The following DNAH10 variants were observed in gnomAD, a reference collection of about 807,000 sequenced individuals.
DNAH10 encodes the protein axonemal beta dynein heavy chain 10.
In DNAH10, 348 loss-of-function variants were observed where a neutral mutation model predicts 506.6. The ratio of observed to expected loss-of-function variants is 0.69; its 90% CI spans 0.63 to 0.75. The LOEUF is 0.75. Ranked by LOEUF, DNAH10 falls within the 30% of genes least tolerant of loss-of-function variation. The pLI, the probability that DNAH10 is intolerant of heterozygous loss-of-function variation, is 0.00. For synonymous variants in DNAH10, 2,059 were observed against 2,198.6 expected (o/e 0.94, Z 1.78); for missense variants, 5,179 against 5,787.1 (o/e 0.89, Z 3.41).
chr12:123,787,729 G>T lies in DNAH10; in HGVS notation c.1422-75G>T. On this transcript the variant is annotated intron_variant, in intron 9 of 78. Coordinates refer to ENST00000673944, the MANE Select transcript of DNAH10 (RefSeq NM_001372106.1). This position sits in a 1 kb window ranked among gnomAD's most constrained non-coding sequence, Gnocchi z 4.6. ...CGGGTCAGAGCTTCACGGGACACTG[G>T]CTCCCCAGCCGGGGAGTGCGGCTCG... 3.3e-6 allele frequency: 5 copies of T among 1,536,698 alleles called. No homozygotes were observed. The highest frequency in any genetic ancestry group is 2.7e-6 in the Non-Finnish European group (3 of 1,130,766).
At chr12:123,801,533 C>A in intron 16 of DNAH10, 101 bp downstream of exon 16, 2 of 1,405,698 alleles carry the variant, frequency 1.4e-6, no homozygotes, top group East Asian at 2.4e-5. Context: ...TTTATAGAGA[C>A]AATTAACAAT....
At chr12:123,792,824 T>G (rs1007377899) in intron 11 of DNAH10, among the ~76,000 whole-genome samples, 3 of 152,180 alleles carry the variant, frequency 2.0e-5, no homozygotes, top group Admixed American at 2.0e-4. Flanking sequence ...CTATCTTCTC[T>G]CATCTGTGTT....
rs374076089 is a variant in DNAH10 at position 123,926,591 on chromosome 12, G to A, written c.11922-46G>A. The A allele has an allele frequency of 4.7e-5, 74 of 1,590,592 alleles. No individual in the cohort carries two copies. The African/African-American group carries it at 8.0e-4, about 17-fold the overall frequency. ...ATCAGACAGACCAGCCCCTGGTCTG[G>A]AGCTGTCCTCGCGGGAGAGTTTTCT... On this transcript the variant is annotated intron_variant, in intron 68 of 78. Coordinates refer to ENST00000673944, the MANE Select transcript of DNAH10 (RefSeq NM_001372106.1). This position sits in a 1 kb window ranked among gnomAD's most constrained non-coding sequence, Gnocchi z 4.1.
At chr12:123,777,189 A>G (rs1957473474) in intron 5 of DNAH10, among the ~76,000 whole-genome samples, 1 of 152,196 alleles carries the variant, frequency 6.6e-6, no homozygotes, top group Non-Finnish European at 1.5e-5. Flanking sequence ...AACCAGAGTG[A>G]TGCTTTAAAA....
At chr12:123,824,702 G>A (rs1484218375) in intron 24 of DNAH10, among the ~76,000 whole-genome samples, 22 of 152,094 alleles carry the variant, frequency 1.4e-4, no homozygotes, top group Non-Finnish European at 4.4e-5. Flanking sequence ...GACTGTCCCT[G>A]GCGTTCCGTG....
In DNAH10 at chr12:123,857,230, G is replaced by A. The variant is rs751654257; in HGVS notation, c.6613G>A (p.Ala2205Thr). The change falls in exon 37 of 79, where the codon GCG (alanine) becomes ACG (threonine). Residue 2205 changes from alanine (A) to threonine (T), a missense_variant. Physicochemically the swap from Ala to Thr is moderately conservative, Grantham distance 58. Around this residue, in one of 3 missense-constraint regions of DNAH10, gnomAD observed 4,844 missense variants for 5,430.5 expected, o/e 0.89. Transcript: ENST00000673944. ...VEQVLEENGYAVLPIQVDKVV... is the reference protein window; with the variant it reads ...VEQVLEENGYTVLPIQVDKVV... ...GCAGGTCCTGGAGGAGAACGGCTAC[G>A]CGGTCCTACCCATCCAGGTAAAGCC... The A allele has an allele frequency of 1.6e-5, 26 of 1,577,612 alleles. 1 individual carries two copies. Among genetic ancestry groups the A allele is most frequent in the Admixed American group, 8.9e-5 (5 of 55,904 alleles).
chr12:123,765,823 C>T (rs567053407), intron 1 of DNAH10, among the ~76,000 whole-genome samples: 1 of 151,374 alleles, frequency 6.6e-6, no homozygotes, highest in East Asian at 1.9e-4. Flanking sequence ...ACCTATACAT[C>T]TATCTCTATC....
intron 39 of DNAH10, among the ~76,000 whole-genome samples, chr12:123,863,789 A>G (rs988336876): frequency 6.6e-6 from 1 of 152,232 alleles, no homozygotes; most frequent in African/African-American, 2.4e-5. Flanking sequence ...GGGTGAACAC[A>G]TCTTTTGGTG....
In DNAH10 at chr12:123,926,385, C is replaced by A. The variant is rs1432242438; in HGVS notation, c.11922-252C>A. 5 of 446,910 alleles carry A rather than the reference C, an allele frequency of 1.1e-5. No individual in the cohort carries two copies. Among genetic ancestry groups the A allele is most frequent in the Admixed American group, 4.2e-5 (1 of 23,588 alleles). The allele number at this position is 446,910 out of a possible 1,614,324, so 27.7% of individuals were successfully genotyped here. On this transcript the variant is annotated intron_variant, in intron 68 of 78. Coordinates refer to ENST00000673944, the MANE Select transcript of DNAH10 (RefSeq NM_001372106.1). This position sits in a 1 kb window ranked among gnomAD's most constrained non-coding sequence, Gnocchi z 4.1. The stretch of plus-strand genomic sequence containing the variant: ...CACCTAGAGGGCAAGCTGAGGTGCC[C>A]AGCTCAGCACAAACCAACTGAATCG...
intron 41 of DNAH10, among the ~76,000 whole-genome samples, chr12:123,867,170 A>G (rs1354745538): frequency 6.6e-6 from 1 of 152,142 alleles, no homozygotes; most frequent in Non-Finnish European, 1.5e-5. Flanking sequence ...CTTGAACTCT[A>G]AGATGATCAG....
intron 47 of DNAH10, among the ~76,000 whole-genome samples, chr12:123,876,135 G>A (rs1952246639): frequency 6.6e-6 from 1 of 152,170 alleles, no homozygotes; most frequent in African/African-American, 2.4e-5. Flanking sequence ...CCAGGGGCCA[G>A]GTGGGTAAGA....
At position 123,814,908 on chromosome 12, in the gene DNAH10, C is replaced by T. The variant is rs146121010; in HGVS notation, c.3780+996C>T. On this transcript the variant is annotated intron_variant, in intron 21 of 78. Coordinates refer to ENST00000673944, the MANE Select transcript of DNAH10 (RefSeq NM_001372106.1). The stretch of plus-strand genomic sequence containing the variant: ...CTGGGATTACAGGCATGAGCCACCG[C>T]GCCCGGCCTAGCCAGGTAGATTTTT... Among the ~76,000 whole-genome samples the T allele has an allele frequency of 3.6e-3, 550 of 152,256 alleles. 2 individuals carry two copies. The highest frequency in any genetic ancestry group is 0.012 in the African/African-American group (518 of 41,550).
At chr12:123,792,516 A>G (rs1235479674) in intron 11 of DNAH10, among the ~76,000 whole-genome samples, 1 of 144,794 alleles carries the variant, frequency 6.9e-6, no homozygotes, top group Non-Finnish European at 1.5e-5. Flanking sequence ...CTGGAGTGTA[A>G]TGGCGTGATC....
rs936499928 is a variant in DNAH10, at chr12:123,919,354, G to T, written c.11506+405G>T. Among the ~76,000 whole-genome samples, 2 of 152,184 alleles carry T rather than the reference G, an allele frequency of 1.3e-5. No homozygotes were observed. Among genetic ancestry groups the T allele is most frequent in the South Asian group, 2.1e-4 (1 of 4,826 alleles). On this transcript the variant is annotated intron_variant, in intron 65 of 78. Coordinates refer to ENST00000673944, the MANE Select transcript of DNAH10 (RefSeq NM_001372106.1). The surrounding 1 kb of genome is among the most constrained non-coding windows in gnomAD (Gnocchi z 4.9). ...CCTCCTGAAGTGCTGGGATTACGAG[G>T]TGTGAGCCATCATGCCCAGCTCCGA...
At chr12:123,883,803 G>A (rs1952611046) in intron 51 of DNAH10, among the ~76,000 whole-genome samples, 2 of 152,156 alleles carry the variant, frequency 1.3e-5, no homozygotes, top group Admixed American at 1.3e-4. Flanking sequence ...AGAAATGAGT[G>A]AGTCCATAAC....
Position 123,784,049 on chromosome 12 carries a change from G to T in DNAH10, c.1102G>T (p.Asp368Tyr), listed in dbSNP as rs749068543. 24 of 1,614,216 alleles carry T rather than the reference G, an allele frequency of 1.5e-5. No individual in the cohort carries two copies. Among genetic ancestry groups the T allele is most frequent in the Non-Finnish European group, 2.0e-5 (24 of 1,180,040 alleles). The change falls in exon 8 of 79, where the codon GAT becomes TAT. Residue 368 changes from aspartate to tyrosine, a missense_variant. Coordinates refer to ENST00000673944, the MANE Select transcript of DNAH10 (RefSeq NM_001372106.1). ...GCTTCCAATAGTCAGAAAAGTCTTG[G>T]ATGTGATCAAGGAATCCGACTCCAT... ...TKLPIVRKVLDVIKESDSMLV... is the reference protein window; with the variant it reads ...TKLPIVRKVLYVIKESDSMLV...
chr12:123,778,203 TAA>T (rs11295919), intron 5 of DNAH10, among the ~76,000 whole-genome samples: 65 of 145,500 alleles, frequency 4.5e-4, no homozygotes, highest in South Asian at 1.5e-3. Context: ...ACTCCATCTC[TAA>T]AAAAAAAAAA....
chr12:123,781,030 A>C (rs1329823987), intron 5 of DNAH10, 50 bp from the exon 6 acceptor site: 12 of 1,440,286 alleles, frequency 8.3e-6, no homozygotes, highest in African/African-American at 2.9e-5. Context: ...GAATACATGA[A>C]TTATTGAAAA....
intron 65 of DNAH10, among the ~76,000 whole-genome samples, chr12:123,921,207 C>A (rs1255392212): frequency 6.6e-6 from 1 of 152,208 alleles, no homozygotes; most frequent in African/African-American, 2.4e-5. Context: ...GTTCTTTTCT[C>A]ATGAGACTTT....
Sources: allele counts gnomAD v4.1 joint callset (sites outside exome capture counted in the v4.1 genomes callset), GRCh38; gene constraint gnomAD v4.1.1; regional missense constraint gnomAD v4.1.1; non-coding constraint Gnocchi (gnomAD v3.1); transcripts MANE v1.5; gene names NCBI Gene and HGNC (gene_info 2026-07-23, HGNC 2026-07-21).